The following IGSF23 variants were observed in gnomAD, a reference collection of about 807,000 sequenced individuals.
IGSF23 encodes the protein immunoglobulin superfamily, member 23.
In IGSF23, 14 loss-of-function variants were observed where a neutral mutation model predicts 17.8. The observed-to-expected ratio is 0.79, with a 90% CI of 0.52 to 1.23. The LOEUF (loss-of-function observed/expected upper bound fraction) is 1.23, where lower values mean the gene tolerates loss of function less well. IGSF23 is among the 50% of genes most tolerant of loss of function. IGSF23 has a pLI of 0.00. For missense variants in IGSF23, 214 were observed against 241.7 expected (o/e 0.89, Z 0.76); for synonymous variants, 85 against 92.5 (o/e 0.92, Z 0.46).
chr19:44,629,365 A>C (rs559541561), intron 3 of IGSF23, among the ~76,000 whole-genome samples: 28 of 152,218 alleles, frequency 1.8e-4, no homozygotes, highest in East Asian at 1.2e-3. Context: ...CGGCCTGGGC[A>C]ACATAGTGAG....
At chr19:44,631,672 A>G (rs1225590046) in intron 3 of IGSF23, among the ~76,000 whole-genome samples, 1 of 152,248 alleles carries the variant, frequency 6.6e-6, no homozygotes, top group Non-Finnish European at 1.5e-5. Context: ...CATTGTTTCT[A>G]TAGATTTTAG....
At chr19:44,631,897 C>T (rs372786272) in intron 3 of IGSF23, among the ~76,000 whole-genome samples, 30 of 152,310 alleles carry the variant, frequency 2.0e-4, no homozygotes, top group African/African-American at 6.3e-4. Context: ...CCAGCGTGGG[C>T]GTCATGGCCA....
rs1398949863 is a variant in IGSF23, at chr19:44,623,725, G to A, written c.144G>A (p.Leu48=). 6.4e-7 allele frequency: 1 copy of A among 1,551,056 alleles called. No homozygotes were observed. The highest frequency in any genetic ancestry group is 1.4e-5 in the African/African-American group (1 of 73,058). Residue 48 remains leucine, a synonymous_variant, in exon 2 of 5, where the codon CTG becomes CTA. Coordinates refer to ENST00000402988, the MANE Select transcript of IGSF23 (RefSeq NM_001205280.2). Reference sequence around the variant, plus strand: ...CAGACAGCCTCCAACTAATGCCACTGAAGACATTCCCAGCTGCTATCCGGG... The same window carrying A: ...CAGACAGCCTCCAACTAATGCCACTAAAGACATTCCCAGCTGCTATCCGGG... ...PANLVLQLMP[L]KTFPAAIRGV... is the part of the protein sequence containing the mutation.
At chr19:44,625,627 C>A (rs1012813166) in intron 2 of IGSF23, among the ~76,000 whole-genome samples, 1 of 152,180 alleles carries the variant, frequency 6.6e-6, no homozygotes, top group Non-Finnish European at 1.5e-5. Context: ...TTTGGCAGAA[C>A]AACTGTCAGG....
intron 1 of IGSF23, among the ~76,000 whole-genome samples, chr19:44,616,593 A>G (rs1037985245): frequency 1.4e-4 from 21 of 151,076 alleles, no homozygotes; most frequent in African/African-American, 4.9e-4. Flanking sequence ...ACTACTCGGG[A>G]GGCTGAGGCA....
At chr19:44,628,469 C>T (rs961125764) in intron 3 of IGSF23, among the ~76,000 whole-genome samples, 5 of 152,036 alleles carry the variant, frequency 3.3e-5, no homozygotes, top group Non-Finnish European at 7.4e-5. Context: ...TTGGATGGGC[C>T]AGGTGTAGTG....
At chr19:44,622,264 T>A (rs192992168) in intron 1 of IGSF23, among the ~76,000 whole-genome samples, 148 of 152,156 alleles carry the variant, frequency 9.7e-4, no homozygotes, top group Non-Finnish European at 1.8e-3. Flanking sequence ...CTCTTGTTTG[T>A]ACACCTAGTG....
intron 4 of IGSF23, among the ~76,000 whole-genome samples, chr19:44,635,824 T>C (rs1260571539): frequency 6.6e-6 from 1 of 152,218 alleles, no homozygotes; most frequent in Non-Finnish European, 1.5e-5. Flanking sequence ...GAGTCAGCAT[T>C]TGCTTTGTAA....
chr19:44,618,150 G>A (rs1468568564), intron 1 of IGSF23: 8 of 470,936 alleles, frequency 1.7e-5, no homozygotes, highest in East Asian at 7.0e-5. Context: ...CACCTTGACC[G>A]AAGGAGCCAG....
At position 44,636,606 on chromosome 19, in the gene IGSF23, CGTT is replaced by C. The variant is rs1165186633; in HGVS notation, c.*222_*224del. 1 of 152,160 alleles carries C rather than the reference CGTT, an allele frequency of 6.6e-6. No individual in the cohort carries two copies. Among genetic ancestry groups the C allele is most frequent in the African/African-American group, 2.4e-5 (1 of 41,436 alleles). 9.4% of individuals were successfully genotyped at this position (152,160 alleles called of 1,614,324 possible). A position where few individuals can be genotyped will look rare whatever the true frequency, so the allele number is the denominator to read the frequency against. On this transcript the variant is annotated 3_prime_UTR_variant, in exon 5 of 5. Transcript: ENST00000402988. ...CATCCTTGGTCCCATCGCCGTGACACGTTGTGCAAGCAAAGCATCAGAGGCTCA... is the reference window on the plus strand; with the variant it reads ...CATCCTTGGTCCCATCGCCGTGACACGTGCAAGCAAAGCATCAGAGGCTCA...
At chr19:44,615,580 G>A (rs1972354544) in intron 1 of IGSF23, among the ~76,000 whole-genome samples, 1 of 151,290 alleles carries the variant, frequency 6.6e-6, no homozygotes, top group Admixed American at 6.6e-5. Context: ...CTGAGATGGT[G>A]CCATTGCACT....
intron 1 of IGSF23, among the ~76,000 whole-genome samples, chr19:44,615,526 G>A (rs1010326926): frequency 6.6e-6 from 1 of 151,900 alleles, no homozygotes; most frequent in Non-Finnish European, 1.5e-5. Flanking sequence ...GGGAGGCTGA[G>A]GCAGGAGAAT....
In IGSF23 at chr19:44,627,502, C is replaced by T; in HGVS notation, c.474C>T (p.Leu158=). 2.6e-6 allele frequency: 4 copies of T among 1,550,554 alleles called. No homozygotes were observed. The highest frequency in any genetic ancestry group is 3.5e-6 in the Non-Finnish European group (4 of 1,146,984). ...TGTCAGGAGGCTCTGCCATCGGGCT[C>T]CTTGCGGCTGGGATCCTGGGAGCCG... ...LSLSGGSAIG[L]LAAGILGAGA... is the part of the protein sequence containing the mutation. The change falls in exon 3 of 5, where the codon CTC becomes CTT. Residue 158 remains leucine (L), a synonymous_variant. Coordinates refer to ENST00000402988, the MANE Select transcript of IGSF23 (RefSeq NM_001205280.2).
At chr19:44,618,144 T>C (rs765091377) in intron 1 of IGSF23, 35 of 471,118 alleles carry the variant, frequency 7.4e-5, no homozygotes, top group Admixed American at 4.0e-4. Flanking sequence ...GCTGAACACC[T>C]TGACCGAAGG....
chr19:44,624,816 C>A (rs548159441), intron 2 of IGSF23, among the ~76,000 whole-genome samples: 62 of 146,554 alleles, frequency 4.2e-4, no homozygotes, highest in Non-Finnish European at 8.5e-4. Context: ...AACCCCAGCA[C>A]TTTGGGAGGC....
chr19:44,621,898 G>A (rs992124876), intron 1 of IGSF23, among the ~76,000 whole-genome samples: 27 of 152,268 alleles, frequency 1.8e-4, no homozygotes, highest in African/African-American at 5.5e-4. Flanking sequence ...ACAAGCCATG[G>A]ATTAACACGT....
At chr19:44,627,234 T>C (rs1972670284) in intron 2 of IGSF23, among the ~76,000 whole-genome samples, 186 bp from the exon 3 acceptor site, 1 of 151,794 alleles carries the variant, frequency 6.6e-6, no homozygotes, top group Non-Finnish European at 1.5e-5. Flanking sequence ...GGCTTCCATG[T>C]GGTAGGAAGG....
intron 3 of IGSF23, among the ~76,000 whole-genome samples, chr19:44,630,508 C>A (rs79539512): frequency 0.028 from 4,274 of 152,330 alleles, 72 homozygotes; most frequent in Middle Eastern, 0.044. Flanking sequence ...GGTGAGGAGT[C>A]AGGCTGGCAT....
At position 44,623,059 on chromosome 19, in the gene IGSF23, G is replaced by C. The variant is rs138368799; in HGVS notation, c.126-648G>C. ...TTGTTGACCCTCTCCTCACTCAATC[G>C]TAAGTTTCATGAGGGCAGCAACAGC... On this transcript the variant is annotated intron_variant, in intron 1 of 4. Coordinates refer to ENST00000402988, the MANE Select transcript of IGSF23 (RefSeq NM_001205280.2). 2.6e-5 allele frequency among the ~76,000 whole-genome samples: 4 copies of C among 152,146 alleles called. No individual in the cohort carries two copies. In the East Asian group the frequency reaches 7.7e-4, roughly 29 times the overall value.
Sources: allele counts gnomAD v4.1 joint callset (sites outside exome capture counted in the v4.1 genomes callset), GRCh38; gene constraint gnomAD v4.1.1; transcripts MANE v1.5; gene names NCBI Gene and HGNC (gene_info 2026-07-23, HGNC 2026-07-21).